Variants in NSMCE2 observed in about 807,000 individuals in gnomAD.
NSMCE2 encodes the protein E3 SUMO-protein ligase NSE2.
Under a neutral mutation model 23.8 loss-of-function variants are expected in NSMCE2, and 24 were observed. The ratio of observed to expected loss-of-function variants is 1.01; its 90% confidence interval spans 0.73 to 1.42. The LOEUF (loss-of-function observed/expected upper bound fraction) is 1.42, where lower values mean the gene tolerates loss of function less well. Ranked by LOEUF, NSMCE2 falls within the 40% of genes most tolerant of loss-of-function variation. The pLI, the probability that NSMCE2 is intolerant of heterozygous loss-of-function variation, is 0.00. For synonymous variants in NSMCE2, 92 were observed against 94.1 expected (o/e 0.98, Z 0.13); for missense variants, 284 against 296.5 (o/e 0.96, Z 0.31).
intron 7 of NSMCE2, among the ~76,000 whole-genome samples, chr8:125,365,226 G>A (rs777236995): frequency 1.5e-4 from 23 of 152,150 alleles, no homozygotes; most frequent in Non-Finnish European, 2.1e-4. Flanking sequence ...TTGCCCCATC[G>A]TTTCCCACTG....
At chr8:125,347,780 A>G (rs149304598) in intron 5 of NSMCE2, among the ~76,000 whole-genome samples, 1,991 of 152,344 alleles carry the variant, frequency 0.013, 14 homozygotes, top group Middle Eastern at 0.024. Flanking sequence ...ATTGAGTTGC[A>G]TTGGGTTAGA....
chr8:125,291,256 G>A (rs1001351580), intron 5 of NSMCE2, among the ~76,000 whole-genome samples: 3 of 152,040 alleles, frequency 2.0e-5, no homozygotes, highest in Admixed American at 1.3e-4. Context: ...AAAAGATTCC[G>A]TTTACATTTT....
In NSMCE2 at chr8:125,178,819, G is replaced by A. The variant is rs947380407; in HGVS notation, c.265-3284G>A. 5.3e-5 allele frequency among the ~76,000 whole-genome samples: 8 copies of A among 152,198 alleles called. No homozygotes were observed. The East Asian group carries it at 5.8e-4, about 11-fold the overall frequency. ...CGGGAGGTGGAGCTTGCAGTGAGCC[G>A]AGATCGTGCCACTACAGCCTGGGCA... On this transcript the variant is annotated intron_variant, in intron 4 of 7. Transcript: ENST00000287437.
chr8:125,152,443 A>G (rs1563682805), intron 4 of NSMCE2, among the ~76,000 whole-genome samples: 1 of 152,178 alleles, frequency 6.6e-6, no homozygotes, highest in Admixed American at 6.5e-5. Flanking sequence ...TATTTTTTAG[A>G]AACTCATTCT....
At chr8:125,127,487 T>C (rs1819570646) in intron 3 of NSMCE2, among the ~76,000 whole-genome samples, 1 of 152,198 alleles carries the variant, frequency 6.6e-6, no homozygotes, top group Non-Finnish European at 1.5e-5. Flanking sequence ...AGATGAGTGC[T>C]CCTGTGGGAT....
chr8:125,108,368 G>A (rs557828295), intron 3 of NSMCE2, among the ~76,000 whole-genome samples: 1 of 152,326 alleles, frequency 6.6e-6, no homozygotes, highest in African/African-American at 2.4e-5. Context: ...GGAAATTGGA[G>A]GGTAGATCAG....
At chr8:125,356,326 G>GTTTTTTTTTTT (rs747884264) in intron 5 of NSMCE2, among the ~76,000 whole-genome samples, 2 of 105,436 alleles carry the variant, frequency 1.9e-5, no homozygotes, top group East Asian at 3.0e-4. Context: ...TAATTTTTTG[G>GTTTTTTTTTTT]TTTTTTTTTT....
At chr8:125,136,496 G>A (rs568971031) in intron 3 of NSMCE2, among the ~76,000 whole-genome samples, 3 of 152,292 alleles carry the variant, frequency 2.0e-5, no homozygotes, top group South Asian at 4.1e-4. Flanking sequence ...CTGTTTGGTT[G>A]CAGAGACTAG....
intron 5 of NSMCE2, among the ~76,000 whole-genome samples, chr8:125,257,628 G>A (rs1826498305): frequency 6.8e-6 from 1 of 147,918 alleles, no homozygotes; most frequent in South Asian, 2.2e-4. Context: ...CCGCCTCCCG[G>A]GTTCACGCCA....
chr8:125,146,264 A>G (rs1820670262), intron 3 of NSMCE2, among the ~76,000 whole-genome samples: 1 of 152,128 alleles, frequency 6.6e-6, no homozygotes, highest in Admixed American at 6.5e-5. Flanking sequence ...ACCTTTTTGC[A>G]CAGGTGGGCA....
chr8:125,139,560 G>C (rs1820248270), intron 3 of NSMCE2, among the ~76,000 whole-genome samples: 1 of 152,142 alleles, frequency 6.6e-6, no homozygotes, highest in Admixed American at 6.5e-5. Context: ...GTCTTGCATG[G>C]TGTCAGGTAA....
intron 5 of NSMCE2, among the ~76,000 whole-genome samples, chr8:125,308,029 A>G (rs1394526722): frequency 6.6e-6 from 1 of 152,108 alleles, no homozygotes; most frequent in Admixed American, 6.5e-5. Context: ...CTGTGGAAAC[A>G]GTCTGCCTGA....
At chr8:125,298,584 C>T (rs961978890) in intron 5 of NSMCE2, among the ~76,000 whole-genome samples, 4 of 152,080 alleles carry the variant, frequency 2.6e-5, no homozygotes, top group African/African-American at 9.7e-5. Context: ...CTTTTGTTTC[C>T]TTATCTGTAA....
intron 5 of NSMCE2, among the ~76,000 whole-genome samples, chr8:125,191,338 C>T (rs970363965): frequency 7.9e-5 from 12 of 152,054 alleles, no homozygotes; most frequent in African/African-American, 2.7e-4. Context: ...TCCCACATAC[C>T]ACACCAATTC....
At chr8:125,213,483 A>G (rs1471793240) in intron 5 of NSMCE2, among the ~76,000 whole-genome samples, 1 of 130,288 alleles carries the variant, frequency 7.7e-6, no homozygotes, top group African/African-American at 3.0e-5. Context: ...TAAGGCACCC[A>G]TGTCTCCTCT....
At chr8:125,326,713 T>C (rs181989567) in intron 5 of NSMCE2, among the ~76,000 whole-genome samples, 2 of 152,228 alleles carry the variant, frequency 1.3e-5, no homozygotes, top group African/African-American at 4.8e-5. Context: ...CCCAGCACTT[T>C]GGGAGGCCGA....
chr8:125,213,725 T>TTTCCTTCCTTCCTTCCTTATTTCC (rs1563723219), intron 5 of NSMCE2, among the ~76,000 whole-genome samples: 5 of 146,720 alleles, frequency 3.4e-5, no homozygotes, highest in East Asian at 4.0e-4. Flanking sequence ...TCCTTCCTTA[T>TTTCCTTCCTTCCTTCCTTATTTCC]TTCCTTCCTT....
chr8:125,207,994 A>G (rs1824182476), intron 5 of NSMCE2, among the ~76,000 whole-genome samples: 1 of 152,236 alleles, frequency 6.6e-6, no homozygotes, highest in African/African-American at 2.4e-5. Context: ...GGGTGGGAGA[A>G]TAGACTCTGC....
intron 5 of NSMCE2, among the ~76,000 whole-genome samples, chr8:125,252,901 G>A (rs1826255477): frequency 6.6e-6 from 1 of 152,234 alleles, no homozygotes; most frequent in South Asian, 2.1e-4. Flanking sequence ...TCACCTACCA[G>A]CTGAGTCCTT....
Sources: allele counts gnomAD v4.1 joint callset (sites outside exome capture counted in the v4.1 genomes callset), GRCh38; gene constraint gnomAD v4.1.1; transcripts MANE v1.5; gene names NCBI Gene and HGNC (gene_info 2026-07-23, HGNC 2026-07-21).